ZPBP: variants seen among roughly 807,000 people sequenced by gnomAD.
The protein encoded by ZPBP is zona pellucida-binding protein 1.
A neutral mutation model predicts 44.8 loss-of-function variants in ZPBP; 26 were observed. The observed-to-expected ratio is 0.58, with a 90% CI of 0.43 to 0.81. The LOEUF (loss-of-function observed/expected upper bound fraction) is 0.81. Among genes scored for constraint, ZPBP ranks in the 30% least tolerant of loss-of-function variants. The probability of loss-of-function intolerance (pLI) is 0.00; values close to 1 mark genes in which losing one functional copy is unlikely to be tolerated. For synonymous variants in ZPBP, 174 were observed against 153.2 expected, an observed-to-expected ratio of 1.14 and a Z score of -1.00; for missense variants, 409 against 434.0, an observed-to-expected ratio of 0.94 and a Z score of 0.51.
In ZPBP at chr7:49,971,939, T is replaced by C. The variant is rs190362675; in HGVS notation, c.961+11403A>G. Among the ~76,000 whole-genome samples the C allele has an allele frequency of 3.1e-3, 473 of 151,724 alleles. 2 individuals carry two copies. The highest frequency in any genetic ancestry group is 0.02 in the Middle Eastern group (6 of 294). Reference sequence around the variant, plus strand: ...TTCAGAATGTATGAATGGTTTAACATGAAAAAAAATCAATGTAATACACTA... The same window carrying C: ...TTCAGAATGTATGAATGGTTTAACACGAAAAAAAATCAATGTAATACACTA... On this transcript the variant is annotated intron_variant, in intron 7 of 7. Coordinates refer to ENST00000046087, the MANE Select transcript of ZPBP (RefSeq NM_007009.3).
At chr7:49,925,608 G>A (rs3900052) in intron 1 of ZPBP, among the ~76,000 whole-genome samples, 4 of 152,164 alleles carry the variant, frequency 2.6e-5, no homozygotes, top group Admixed American at 1.3e-4. Context: ...CCTCTTTTAA[G>A]GTACATGTTT....
intron 4 of ZPBP, among the ~76,000 whole-genome samples, chr7:50,036,370 T>G (rs1397698945): frequency 6.6e-6 from 1 of 152,174 alleles, no homozygotes; most frequent in Non-Finnish European, 1.5e-5. Context: ...CAGGCTGGAC[T>G]TGAACTCCTG....
chr7:49,968,966 T>C (rs1488349565), intron 7 of ZPBP, among the ~76,000 whole-genome samples: 1 of 151,738 alleles, frequency 6.6e-6, no homozygotes, highest in Non-Finnish European at 1.5e-5. Flanking sequence ...AATAATGTTA[T>C]TCCATTTAAA....
At chr7:49,911,571 G>A (rs796595282) in intron 1 of ZPBP, among the ~76,000 whole-genome samples, 1 of 150,372 alleles carries the variant, frequency 6.7e-6, no homozygotes, top group Non-Finnish European at 1.5e-5. Flanking sequence ...TTATAACTTT[G>A]CCACTGTCCT....
In ZPBP at chr7:50,078,013, G is replaced by A. The variant is rs574437148; in HGVS notation, c.334+3761C>T. Among the ~76,000 whole-genome samples the A allele has an allele frequency of 8.6e-5, 13 of 151,872 alleles. 1 individual carries two copies. The South Asian group carries it at 2.5e-3, about 29-fold the overall frequency. The stretch of plus-strand genomic sequence containing the variant: ...CTACATGTCCATCAGCAGATGAATG[G>A]ATAAAGAAAATGTGGTACATATACA... On this transcript the variant is annotated intron_variant, in intron 3 of 7. Coordinates refer to ENST00000046087, the MANE Select transcript of ZPBP (RefSeq NM_007009.3).
intron 3 of ZPBP, among the ~76,000 whole-genome samples, chr7:50,074,202 G>A (rs772872537): frequency 1.3e-5 from 2 of 151,964 alleles, no homozygotes; most frequent in Non-Finnish European, 2.9e-5. Context: ...ACAATGTTAA[G>A]TTTTTATCAG....
At chr7:49,883,679 C>T (rs957640824) in intron 2 of ZPBP, among the ~76,000 whole-genome samples, 2 of 152,112 alleles carry the variant, frequency 1.3e-5, no homozygotes, top group African/African-American at 4.8e-5. Flanking sequence ...GGAAATTTCA[C>T]CTTCCGATAG....
chr7:49,912,136 G>A, intron 1 of ZPBP: 1 of 1,614,152 alleles, frequency 6.2e-7, no homozygotes, highest in Non-Finnish European at 8.5e-7. Flanking sequence ...GGCACATGGA[G>A]AATCGAGCGG....
At chr7:49,865,636 T>A (rs1325681529) in intron 2 of ZPBP, among the ~76,000 whole-genome samples, 1 of 152,216 alleles carries the variant, frequency 6.6e-6, no homozygotes, top group Non-Finnish European at 1.5e-5. Context: ...AGACTCTGTT[T>A]GTATATCACT....
intron 1 of ZPBP, among the ~76,000 whole-genome samples, chr7:49,927,544 C>G (rs1160355676): frequency 6.6e-6 from 1 of 152,118 alleles, no homozygotes; most frequent in Non-Finnish European, 1.5e-5. Context: ...ACTATGACCT[C>G]CTTACAATAT....
intron 4 of ZPBP, 152 bp from the exon 5 acceptor site, chr7:50,031,462 T>A (rs908560484): frequency 1.5e-6 from 1 of 645,376 alleles, no homozygotes; most frequent in African/African-American, 1.8e-5. Context: ...CCAACACTTA[T>A]CTTGCAGTTA....
At chr7:49,974,196 G>T (rs924286796) in intron 7 of ZPBP, among the ~76,000 whole-genome samples, 1 of 152,112 alleles carries the variant, frequency 6.6e-6, no homozygotes, top group African/African-American at 2.4e-5. Context: ...ATACAAAAAA[G>T]ATCCTAAATG....
intron 4 of ZPBP, among the ~76,000 whole-genome samples, chr7:50,034,781 CA>C (rs2128813663): frequency 6.6e-6 from 1 of 152,296 alleles, no homozygotes; most frequent in East Asian, 1.9e-4. Context: ...CTACTTGTTT[CA>C]ATCTGTTTCT....
chr7:49,934,164 T>C (rs1794549973), downstream of ZPBP, among the ~76,000 whole-genome samples: 1 of 152,120 alleles, frequency 6.6e-6, no homozygotes, highest in Non-Finnish European at 1.5e-5. Flanking sequence ...ATCTTCACTG[T>C]GTGTCCTCAT....
intron 6 of ZPBP, among the ~76,000 whole-genome samples, chr7:49,987,614 C>T (rs1797353663): frequency 6.6e-6 from 1 of 152,012 alleles, no homozygotes; most frequent in Admixed American, 6.6e-5. Flanking sequence ...TTGCTTTAAG[C>T]CTTTTTAGCC....
rs2128860760 is a variant in ZPBP at position 50,093,148 on chromosome 7, G to A, written c.47C>T (p.Thr16Ile). 6 of 1,544,410 alleles carry A rather than the reference G, an allele frequency of 3.9e-6. No individual in the cohort carries two copies. Among genetic ancestry groups the A allele is most frequent in the Middle Eastern group, 2.2e-4 (1 of 4,566 alleles). Residue 16 changes from threonine (T) to isoleucine (I), a missense_variant, in exon 1 of 8, where the codon ACC becomes ATC. By Grantham distance (89) the Thr-to-Ile change is moderately conservative. Transcript: ENST00000046087. ...LGPARRGRRR[T>I]RAAGSLLSRA... Reference sequence around the variant, plus strand: ...AGAGAGCAGGGAGCCGGCGGCCCGGGTCCGCCGCCTGCCCCGCCGCGCTGG... The same window carrying A: ...AGAGAGCAGGGAGCCGGCGGCCCGGATCCGCCGCCTGCCCCGCCGCGCTGG...
intron 3 of ZPBP, among the ~76,000 whole-genome samples, chr7:50,075,550 G>C (rs967939892): frequency 2.6e-5 from 4 of 151,406 alleles, no homozygotes; most frequent in African/African-American, 9.7e-5. Context: ...TCCAAATAAA[G>C]TCAGAAATGA....
At chr7:50,045,947 A>G (rs1044411553) in intron 4 of ZPBP, among the ~76,000 whole-genome samples, 1 of 152,168 alleles carries the variant, frequency 6.6e-6, no homozygotes, top group Admixed American at 6.6e-5. Context: ...ACCAAAACAG[A>G]TATGTAGACC....
intron 3 of ZPBP, among the ~76,000 whole-genome samples, chr7:50,073,375 T>A (rs1801939980): frequency 6.7e-6 from 1 of 150,104 alleles, no homozygotes; most frequent in African/African-American, 2.5e-5. Flanking sequence ...GAAAAAGGAG[T>A]AAAAAACAGT....
Sources: allele counts gnomAD v4.1 joint callset (sites outside exome capture counted in the v4.1 genomes callset), GRCh38; gene constraint gnomAD v4.1.1; transcripts MANE v1.5; gene names NCBI Gene and HGNC (gene_info 2026-07-23, HGNC 2026-07-21).